GDF5: variants seen among roughly 807,000 people sequenced by gnomAD.
GDF5 encodes the protein growth differentiation factor 5.
GDF5 carries 17 observed loss-of-function variants against 34.6 expected under a neutral mutation model. That is an observed-to-expected ratio of 0.49 (90% CI 0.34 to 0.74). The LOEUF (loss-of-function observed/expected upper bound fraction) is 0.74. Among genes scored for constraint, GDF5 ranks in the 30% least tolerant of loss-of-function variants. GDF5 has a pLI of 0.01. For missense variants in GDF5, 616 were observed against 661.2 expected, an observed-to-expected ratio of 0.93 and a Z score of 0.75; for synonymous variants, 332 against 290.7, an observed-to-expected ratio of 1.14 and a Z score of -1.44.
chr20:35,443,812 G>T (rs1244485639), intron 1 of GDF5, among the ~76,000 whole-genome samples: 1 of 151,968 alleles, frequency 6.6e-6, no homozygotes, highest in Non-Finnish European at 1.5e-5. Context: ...GCGCCGGCCG[G>T]CCAGATTATT....
chr20:35,437,900 A>G lies in GDF5; in HGVS notation c.29T>C (p.Leu10Ser), dbSNP rs147847468. The G allele has an allele frequency of 1.2e-4, 189 of 1,614,138 alleles. No individual in the cohort carries two copies. The African/African-American group carries it at 2.2e-3, about 18-fold the overall frequency. Residue 10 changes from leucine to serine, a missense_variant, in exon 1 of 2, where the codon TTG becomes TCG. Physicochemically the swap from Leu to Ser is moderately radical, Grantham distance 145. Transcript: ENST00000374369. ...GTCCAGCCAAGCCAGGTACCAAAGC[A>G]AGAAAGTGAGGAGTTTGGGGAGTCT... is the stretch of plus-strand genomic sequence containing the variant. MRLPKLLTF[L>S]LWYLAWLDLE... is the part of the protein sequence containing the mutation.
At chr20:35,442,251 G>A (rs1254743406), upstream of GDF5, among the ~76,000 whole-genome samples, 1 of 151,654 alleles carries the variant, frequency 6.6e-6, no homozygotes, top group Non-Finnish European at 1.5e-5. Context: ...GGTTCAAGGG[G>A]TTTTCCTGCT....
At chr20:35,448,569 G>A (rs1356727896) in intron 1 of GDF5, among the ~76,000 whole-genome samples, 1 of 144,046 alleles carries the variant, frequency 6.9e-6, no homozygotes, top group Non-Finnish European at 1.5e-5. Flanking sequence ...TCAGCCTTCC[G>A]AGCAGCTGGG....
upstream of GDF5, chr20:35,441,269 T>C (rs2062496783): frequency 6.6e-6 from 1 of 152,142 alleles, no homozygotes; most frequent in Non-Finnish European, 1.5e-5. Context: ...TGAAGTAAAT[T>C]GCGGCCAGGC....
chr20:35,451,078 T>TATATATATATATATATAA (rs2062531503), intron 1 of GDF5, among the ~76,000 whole-genome samples: 1 of 43,036 alleles, frequency 2.3e-5, no homozygotes, highest in Non-Finnish European at 3.9e-5. Context: ...TATATATATA[T>TATATATATATATATATAA]ATATATATAT....
chr20:35,438,280 G>A (rs2062483957), upstream of GDF5: 2 of 325,112 alleles, frequency 6.2e-6, no homozygotes. Context: ...TTTCCAAGAA[G>A]GAAGAATGGC....
At chr20:35,453,210 G>A (rs922978619) in intron 1 of GDF5, among the ~76,000 whole-genome samples, 3 of 152,070 alleles carry the variant, frequency 2.0e-5, no homozygotes, top group African/African-American at 7.2e-5. Flanking sequence ...AGATTGCGCC[G>A]CTGCACTCCA....
chr20:35,435,084 T>G, intron 1 of GDF5: 2 of 609,986 alleles, frequency 3.3e-6, no homozygotes, highest in South Asian at 4.1e-5. Flanking sequence ...TGTAACTGCC[T>G]TCTACCTATC....
Position 35,451,092 on chromosome 20 carries a change from T to TATATACACAC in GDF5, c.-398+3547_-398+3548insGTGTGTATAT, listed in dbSNP as rs1555824851. ...ATATATATATATATATATATATATATACACAAATATATATGTAGTGATTTA... is the reference window on the plus strand; with the variant it reads ...ATATATATATATATATATATATATATATATACACACACACAAATATATATGTAGTGATTTA... On this transcript the variant is annotated intron_variant, in intron 1 of 3. Transcript: ENST00000374372. Among the ~76,000 whole-genome samples the TATATACACAC allele has an allele frequency of 1.3e-4, 18 of 133,580 alleles. 2 individuals carry two copies. Among genetic ancestry groups the TATATACACAC allele is most frequent in the African/African-American group, 4.2e-4 (16 of 38,200 alleles). The allele number at this position is 133,580 out of a possible 152,430, so 87.6% of individuals were successfully genotyped here. A position where few individuals can be genotyped will look rare whatever the true frequency, so the allele number is the denominator to read the frequency against.
chr20:35,434,246 T>C lies in GDF5; in HGVS notation c.1169A>G (p.Lys390Arg). The C allele has an allele frequency of 6.2e-7, 1 of 1,614,086 alleles. No individual in the cohort carries two copies. Among genetic ancestry groups the C allele is most frequent in the Non-Finnish European group, 8.5e-7 (1 of 1,180,032 alleles). ...RRAPLATRQG[K>R]RPSKNLKARC... ...AGCCTTAAGGTTCTTGCTGGGTCGC[T>C]TGCCCTGGCGAGTGGCCAGTGGGGC... Residue 390 changes from lysine (K) to arginine (R), a missense_variant, in exon 2 of 2, where the codon AAG becomes AGG. Coordinates refer to ENST00000374369, the MANE Select transcript of GDF5 (RefSeq NM_000557.5).
At chr20:35,434,875 G>T (rs751834888) in intron 1 of GDF5, 92 bp from the exon 2 acceptor site, 1 of 1,256,154 alleles carries the variant, frequency 8.0e-7, no homozygotes, top group Non-Finnish European at 1.2e-6. Context: ...CTCTCTCCCA[G>T]TCCAGAGAGC....
At position 35,450,496 on chromosome 20, in the gene GDF5, T is replaced by A. The variant is rs535804210; in HGVS notation, c.-398+4144A>T. On this transcript the variant is annotated intron_variant, in intron 1 of 3. Coordinates refer to the GDF5 transcript ENST00000374372. ...CTCCATGTTAACATGGAGAGGAAGA[T>A]GGGGGTGGGAAAAGTCTTCTTTGAA... Among the ~76,000 whole-genome samples, 105 of 152,064 alleles carry A rather than the reference T, an allele frequency of 6.9e-4. 1 individual carries two copies. Among genetic ancestry groups the A allele is most frequent in the African/African-American group, 2.4e-3 (101 of 41,478 alleles).
Position 35,448,445 on chromosome 20 carries a change from C to T in GDF5, c.-398+6195G>A, listed in dbSNP as rs563887806. Among the ~76,000 whole-genome samples the T allele has an allele frequency of 3.1e-3, 359 of 117,650 alleles. 1 individual carries two copies. Among genetic ancestry groups the T allele is most frequent in the South Asian group, 0.015 (54 of 3,660 alleles). 77.2% of individuals were successfully genotyped at this position (117,650 alleles called of 152,430 possible). On this transcript the variant is annotated intron_variant, in intron 1 of 3. Coordinates refer to the GDF5 transcript ENST00000374372. Reference sequence around the variant, plus strand: ...ATATATATATAGTTAAGGGCCCCCCCGACTTTTTTTTTTTTTTTTTTTTTG... The same window carrying T: ...ATATATATATAGTTAAGGGCCCCCCTGACTTTTTTTTTTTTTTTTTTTTTG...
Position 35,434,336 on chromosome 20 carries a change from G to A in GDF5, c.1079C>T (p.Ala360Val). ...GGTCTTATCGTCCTGGCCAGAGCGG[G>A]CCTTAATCTCATTAAAGAACAGGTC... ...KRDLFFNEIK[A>V]RSGQDDKTVY... The change falls in exon 2 of 2, where the codon GCC (alanine) becomes GTC (valine). Residue 360 changes from alanine (A) to valine (V), a missense_variant. Transcript: ENST00000374369. The A allele has an allele frequency of 6.2e-7, 1 of 1,613,972 alleles. No individual in the cohort carries two copies. Among genetic ancestry groups the A allele is most frequent in the Non-Finnish European group, 8.5e-7 (1 of 1,180,012 alleles).
rs2062454623 is a variant in GDF5 at position 35,433,923 on chromosome 20, A to G, written c.1492T>C (p.Cys498Arg). The G allele has an allele frequency of 1.9e-6, 3 of 1,613,984 alleles. No individual in the cohort carries two copies. Among genetic ancestry groups the G allele is most frequent in the Non-Finnish European group, 1.7e-6 (2 of 1,179,872 alleles). The change falls in exon 2 of 2, where the codon TGT (cysteine) becomes CGT (arginine). Residue 498 changes from cysteine to arginine, a missense_variant. Physicochemically the swap from Cys to Arg is radical, Grantham distance 180. Transcript: ENST00000374369. ...KQYEDMVVES[C>R]GCR is the part of the protein sequence containing the mutation. ...GGCCAGTGCTGCTACCTGCAGCCAC[A>G]CGACTCCACGACCATGTCCTCATAC... is the stretch of plus-strand genomic sequence containing the variant.
At chr20:35,438,316 T>A (rs1214177529), upstream of GDF5, 4 of 272,320 alleles carry the variant, frequency 1.5e-5, no homozygotes, top group Non-Finnish European at 2.9e-5. Flanking sequence ...TGCTCCAGTT[T>A]TTTTTTCCCC....
intron 1 of GDF5, among the ~76,000 whole-genome samples, chr20:35,453,414 G>T (rs1374351962): frequency 6.6e-6 from 1 of 152,220 alleles, no homozygotes; most frequent in Non-Finnish European, 1.5e-5. Context: ...TAGGTAGCTG[G>T]CATAGTGTAT....
chr20:35,443,394 G>A (rs1183549423), intron 1 of GDF5, among the ~76,000 whole-genome samples: 2 of 152,090 alleles, frequency 1.3e-5, no homozygotes, highest in African/African-American at 2.4e-5. Flanking sequence ...TGACATGGAA[G>A]TAATCTCTGC....
chr20:35,454,325 G>A (rs1214127561), intron 1 of GDF5, among the ~76,000 whole-genome samples: 1 of 152,028 alleles, frequency 6.6e-6, no homozygotes, highest in Non-Finnish European at 1.5e-5. Flanking sequence ...GTGGTGGCGG[G>A]CGCCTGTAGT....
Sources: allele counts gnomAD v4.1 joint callset (sites outside exome capture counted in the v4.1 genomes callset), GRCh38; gene constraint gnomAD v4.1.1; transcripts MANE v1.5; gene names NCBI Gene and HGNC (gene_info 2026-07-23, HGNC 2026-07-21).